Variants in ANKRD12 observed in about 807,000 individuals in gnomAD.
The protein encoded by ANKRD12 is ankyrin repeat domain 12, also known as ankyrin repeat domain-containing protein 12.
ANKRD12 carries 85 observed loss-of-function variants against 183.4 expected under a neutral mutation model. The observed-to-expected ratio is 0.46, with a 90% CI of 0.39 to 0.56. ANKRD12 has a LOEUF of 0.56. ANKRD12 is among the 20% of genes least tolerant of loss of function. ANKRD12 has a pLI of 0.00. For synonymous variants in ANKRD12, 914 were observed against 800.2 expected, an observed-to-expected ratio of 1.14 and a Z score of -2.40; for missense variants, 2,405 against 2,357.1, an observed-to-expected ratio of 1.02 and a Z score of -0.42.
At chr18:9,213,027 ACT>A (rs2035895938) in intron 6 of ANKRD12, among the ~76,000 whole-genome samples, 1 of 151,882 alleles carries the variant, frequency 6.6e-6, no homozygotes, top group South Asian at 2.1e-4. Context: ...GGTTGAATAC[ACT>A]CTCATTACAG....
At chr18:9,175,317 C>T (rs2033161292) in intron 1 of ANKRD12, among the ~76,000 whole-genome samples, 1 of 152,056 alleles carries the variant, frequency 6.6e-6, no homozygotes, top group African/African-American at 2.4e-5. Flanking sequence ...TTCTGTTCCC[C>T]ATAGTCCTCT....
chr18:9,198,056 C>G (rs983230925), intron 3 of ANKRD12, among the ~76,000 whole-genome samples: 1 of 152,048 alleles, frequency 6.6e-6, no homozygotes, highest in African/African-American at 2.4e-5. Context: ...AAGTAGAATT[C>G]AGTACCATTA....
At chr18:9,252,070 C>T (rs2038328906) in intron 8 of ANKRD12, among the ~76,000 whole-genome samples, 2 of 152,036 alleles carry the variant, frequency 1.3e-5, no homozygotes, top group Admixed American at 1.3e-4. Flanking sequence ...TAAACATGGC[C>T]ATTTTTTACT....
chr18:9,169,233 A>G (rs1046129586), intron 1 of ANKRD12, among the ~76,000 whole-genome samples: 1 of 152,238 alleles, frequency 6.6e-6, no homozygotes, highest in African/African-American at 2.4e-5. Flanking sequence ...TATGAGGTCC[A>G]CTTGGTGCAG....
intron 2 of ANKRD12, among the ~76,000 whole-genome samples, chr18:9,185,321 G>A (rs1432103711): frequency 6.6e-6 from 1 of 152,236 alleles, no homozygotes; most frequent in Non-Finnish European, 1.5e-5. Context: ...GTAGGAGGCA[G>A]TGTGGGCAGT....
chr18:9,280,339 C>T (rs557857263), intron 12 of ANKRD12, among the ~76,000 whole-genome samples: 8 of 152,266 alleles, frequency 5.3e-5, no homozygotes, highest in South Asian at 4.1e-4. Flanking sequence ...GCTTGCTTGC[C>T]GCCACTCACC....
intron 2 of ANKRD12, among the ~76,000 whole-genome samples, chr18:9,188,016 C>T (rs1029887386): frequency 3.3e-5 from 5 of 152,110 alleles, no homozygotes; most frequent in Admixed American, 6.5e-5. Flanking sequence ...ATAGAAATTA[C>T]CTATTACCTT....
rs2040123275 is a variant in ANKRD12 at position 9,282,127 on chromosome 18, A to G, written c.*1001A>G. On this transcript the variant is annotated 3_prime_UTR_variant, in exon 13 of 13. Coordinates refer to ENST00000262126, the MANE Select transcript of ANKRD12 (RefSeq NM_015208.5). ...TGAAATTGTAAATGTCTATTTTAAT[A>G]TTCACCTATGAAAGAATCTGTGAAT... 1 of 152,646 alleles carries G rather than the reference A, an allele frequency of 6.6e-6. No individual in the cohort carries two copies. The highest frequency in any genetic ancestry group is 2.4e-5 in the African/African-American group (1 of 41,480). 9.5% of individuals were successfully genotyped at this position (152,646 alleles called of 1,614,324 possible). A position where few individuals can be genotyped will look rare whatever the true frequency, so the allele number is the denominator to read the frequency against.
intron 1 of ANKRD12, among the ~76,000 whole-genome samples, chr18:9,147,322 G>A (rs2078524911): frequency 1.3e-5 from 2 of 152,018 alleles, no homozygotes; most frequent in East Asian, 3.8e-4. Context: ...GGGCACTTTT[G>A]GGGGTTAAGC....
rs752425611 is a variant in ANKRD12 at position 9,221,926 on chromosome 18, A to T, written c.870A>T (p.Val290=). 8 of 1,614,092 alleles carry T rather than the reference A, an allele frequency of 5.0e-6. No homozygotes were observed. Among genetic ancestry groups the T allele is most frequent in the Non-Finnish European group, 5.9e-6 (7 of 1,179,958 alleles). ...AACATGGGGAGCGTCCAGTGGATGT[A>T]GCAGAAACAGAGGAGTTGGAGTTGC... ...ANKHGERPVD[V]AETEELELLL... Residue 290 remains valine, a synonymous_variant, in exon 8 of 13, where the codon GTA becomes GTT. Transcript: ENST00000262126.
Position 9,208,670 on chromosome 18 carries a change from A to G in ANKRD12, c.318A>G (p.Pro106=). The change falls in exon 5 of 13, where the codon CCA becomes CCG. Residue 106 remains proline (P), a synonymous_variant. Coordinates refer to ENST00000262126, the MANE Select transcript of ANKRD12 (RefSeq NM_015208.5). The stretch of plus-strand genomic sequence containing the variant: ...TAATAATTCCAGAGAAAGAAGGTCC[A>G]GAAAAGAAGAAGACAAAAAAGGAAG... ...SYRTYSEKEG[P]EKKKTKKEAG... is the part of the protein sequence containing the mutation. The G allele has an allele frequency of 1.2e-6, 2 of 1,607,534 alleles. No homozygotes were observed. The highest frequency in any genetic ancestry group is 1.7e-6 in the Non-Finnish European group (2 of 1,177,776).
rs752111030 is a variant in ANKRD12 at position 9,257,865 on chromosome 18, C to T, written c.4598C>T (p.Ser1533Phe). ...AAAAATGCAGTTCAGATTATTAGTT[C>T]TGCTTTAGATACTGATAATGAATCT... ...QQKNAVQIIS[S>F]ALDTDNESTK... Residue 1533 changes from serine (S) to phenylalanine (F), a missense_variant, in exon 9 of 13, where the codon TCT (serine) becomes TTT (phenylalanine). Physicochemically the swap from Ser to Phe is radical, Grantham distance 155. Transcript: ENST00000262126. The T allele has an allele frequency of 1.9e-6, 3 of 1,613,470 alleles. No individual in the cohort carries two copies. Among genetic ancestry groups the T allele is most frequent in the Admixed American group, 1.7e-5 (1 of 59,852 alleles).
chr18:9,210,725 C>CAAAA (rs71168045), intron 5 of ANKRD12, among the ~76,000 whole-genome samples: 11 of 84,594 alleles, frequency 1.3e-4, no homozygotes, highest in African/African-American at 1.8e-4. Context: ...GACTCTGTCT[C>CAAAA]AAAAAAAAAA....
intron 7 of ANKRD12, among the ~76,000 whole-genome samples, chr18:9,219,758 GA>G (rs879484682): frequency 0.12 from 12,101 of 101,644 alleles, 610 homozygotes; most frequent in African/African-American, 0.2. Context: ...AGAAAGAAAA[GA>G]AAAAAAAAAA....
intron 1 of ANKRD12, among the ~76,000 whole-genome samples, chr18:9,167,826 C>T (rs2032247555): frequency 6.6e-6 from 1 of 152,168 alleles, no homozygotes; most frequent in Admixed American, 6.5e-5. Flanking sequence ...CCAGTTTTTG[C>T]CCATTCAGTA....
intron 10 of ANKRD12, among the ~76,000 whole-genome samples, chr18:9,265,070 G>T (rs1346334139): frequency 1.7e-4 from 26 of 151,234 alleles, no homozygotes; most frequent in Non-Finnish European, 1.5e-5. Context: ...CGGGAGCGAG[G>T]CTGGGGGAGG....
At chr18:9,157,585 G>GTGTGTGTGTGTATATA (rs1472659778) in intron 1 of ANKRD12, among the ~76,000 whole-genome samples, 45 of 92,662 alleles carry the variant, frequency 4.9e-4, no homozygotes, top group African/African-American at 2.2e-3. Flanking sequence ...GTGTGTGTGT[G>GTGTGTGTGTGTATATA]TATATATATA....
At chr18:9,195,976 A>G (rs182180534) in intron 3 of ANKRD12, among the ~76,000 whole-genome samples, 2 of 152,246 alleles carry the variant, frequency 1.3e-5, no homozygotes, top group Non-Finnish European at 2.9e-5. Context: ...CAAATGAATA[A>G]AAATTACTCA....
chr18:9,185,254 G>A (rs1031626442), intron 2 of ANKRD12, among the ~76,000 whole-genome samples: 2 of 152,180 alleles, frequency 1.3e-5, no homozygotes, highest in Non-Finnish European at 2.9e-5. Context: ...TAGTCAGTGA[G>A]TCAGGAGGGA....
Sources: allele counts gnomAD v4.1 joint callset (sites outside exome capture counted in the v4.1 genomes callset), GRCh38; gene constraint gnomAD v4.1.1; transcripts MANE v1.5; gene names NCBI Gene and HGNC (gene_info 2026-07-23, HGNC 2026-07-21).